Variants in SHANK2 observed in about 807,000 individuals in gnomAD.
SHANK2 encodes the protein SH3 and multiple ankyrin repeat domains protein 2.
SHANK2 carries 43 observed loss-of-function variants against 133.7 expected under a neutral mutation model. The ratio of observed to expected loss-of-function variants is 0.32; its 90% CI spans 0.25 to 0.41. The LOEUF is 0.41. SHANK2 is among the 10% of genes least tolerant of loss of function. The pLI is 1.00. For synonymous variants in SHANK2, 1,017 were observed against 952.8 expected, an observed-to-expected ratio of 1.07 and a Z score of -1.24; for missense variants, 1,994 against 2,235.8, an observed-to-expected ratio of 0.89 and a Z score of 2.18.
chr11:70,821,511 C>T lies in SHANK2; in HGVS notation c.1175-829G>A, dbSNP rs149565803. 5.5e-3 allele frequency among the ~76,000 whole-genome samples: 838 copies of T among 152,236 alleles called. 12 individuals carry two copies. The highest frequency in any genetic ancestry group is 0.019 in the African/African-American group (786 of 41,534). On this transcript the variant is annotated intron_variant, in intron 11 of 25. Transcript: ENST00000601538. Reference sequence around the variant, plus strand: ...CACGACCTCGGCTCACTGCAGCCTCCGCCTCCCAGGCTCAAACAATTCTCC... The same window carrying T: ...CACGACCTCGGCTCACTGCAGCCTCTGCCTCCCAGGCTCAAACAATTCTCC...
chr11:70,832,830 G>T (rs1555058957), intron 11 of SHANK2, among the ~76,000 whole-genome samples: 1 of 152,140 alleles, frequency 6.6e-6, no homozygotes, highest in Non-Finnish European at 1.5e-5. Context: ...GGCCTGTACT[G>T]CCCCGCCTTG....
At chr11:70,665,505 C>T (rs1356389157) in intron 15 of SHANK2, among the ~76,000 whole-genome samples, 20 of 152,162 alleles carry the variant, frequency 1.3e-4, no homozygotes, top group Admixed American at 1.3e-3. Context: ...ACTGTAATGG[C>T]CCTGTCCTGT....
chr11:71,121,250 G>T (rs1280508127), intron 3 of SHANK2, among the ~76,000 whole-genome samples: 1 of 152,208 alleles, frequency 6.6e-6, no homozygotes, highest in African/African-American at 2.4e-5. Flanking sequence ...GCTGCTGTCA[G>T]GATCAAACAG....
chr11:70,666,104 T>C (rs1944673922), intron 15 of SHANK2, among the ~76,000 whole-genome samples: 1 of 152,102 alleles, frequency 6.6e-6, no homozygotes. Flanking sequence ...GAAGGATGAC[T>C]ACAGGGTTTC....
At chr11:70,502,735 GC>G in intron 18 of SHANK2, 60 bp downstream of exon 18, 2 of 418,842 alleles carry the variant, frequency 4.8e-6, no homozygotes, top group Non-Finnish European at 3.8e-6. Flanking sequence ...TGTCCTGCCC[GC>G]CCCCACCCCC....
chr11:71,239,466 A>T (rs547918516), intron 1 of SHANK2, among the ~76,000 whole-genome samples: 112 of 149,472 alleles, frequency 7.5e-4, no homozygotes, highest in African/African-American at 2.2e-3. Context: ...TGGTAAAAAA[A>T]TTTTTTTTTT....
intron 15 of SHANK2, among the ~76,000 whole-genome samples, chr11:70,675,447 G>A (rs138323218): frequency 1.3e-5 from 2 of 152,322 alleles, no homozygotes; most frequent in African/African-American, 4.8e-5. Flanking sequence ...ACACAGGGCT[G>A]GAGGCAAAGC....
At chr11:70,769,821 G>A (rs1039154766) in intron 14 of SHANK2, among the ~76,000 whole-genome samples, 1 of 22,644 alleles carries the variant, frequency 4.4e-5, no homozygotes, top group Admixed American at 3.4e-4. Context: ...ACATTTGCAC[G>A]TGTGTAGGTG....
intron 2 of SHANK2, among the ~76,000 whole-genome samples, chr11:71,148,234 G>A (rs374432407): frequency 3.3e-5 from 5 of 152,178 alleles, no homozygotes; most frequent in Admixed American, 2.0e-4. Flanking sequence ...GCAGGCATGC[G>A]CCACTACACC....
At position 70,940,274 on chromosome 11, in the gene SHANK2, G is replaced by T. The variant is rs1301476550; in HGVS notation, c.1108-43707C>A. On this transcript the variant is annotated intron_variant, in intron 10 of 25. Coordinates refer to ENST00000601538, the MANE Select transcript of SHANK2 (RefSeq NM_012309.5). The stretch of plus-strand genomic sequence containing the variant: ...CTCTCTTTCTCTCTTTTGAGACAGA[G>T]TCTCGCTGTGTCACCAGGCTGGAGT... Among the ~76,000 whole-genome samples, 4 of 33,896 alleles carry T rather than the reference G, an allele frequency of 1.2e-4. No homozygotes were observed. In the East Asian group the frequency reaches 3.5e-3, roughly 30 times the overall value. The allele number at this position is 33,896 out of a possible 152,430, so 22.2% of individuals were successfully genotyped here.
intron 8 of SHANK2, among the ~76,000 whole-genome samples, chr11:71,082,430 A>T (rs1277499752): frequency 6.6e-6 from 1 of 152,242 alleles, no homozygotes; most frequent in Non-Finnish European, 1.5e-5. Flanking sequence ...ACCACAGTAC[A>T]CTAGAAAAAC....
intron 11 of SHANK2, among the ~76,000 whole-genome samples, chr11:70,823,045 C>T (rs1472642002): frequency 4.9e-5 from 4 of 81,528 alleles, no homozygotes; most frequent in East Asian, 4.3e-4. Context: ...GTTGGCAGAG[C>T]CCACGGGGGA....
intron 14 of SHANK2, among the ~76,000 whole-genome samples, chr11:70,766,057 G>A (rs1310612093): frequency 6.6e-6 from 1 of 152,214 alleles, no homozygotes; most frequent in Non-Finnish European, 1.5e-5. Context: ...AGCCTCCTTT[G>A]AGATGATGTT....
chr11:70,671,329 G>A (rs1430342527), intron 15 of SHANK2, among the ~76,000 whole-genome samples: 2 of 152,032 alleles, frequency 1.3e-5, no homozygotes, highest in East Asian at 1.9e-4. Flanking sequence ...TGAGCACCCC[G>A]GTGGAACCCC....
chr11:70,703,595 G>A (rs1945591270), intron 14 of SHANK2, among the ~76,000 whole-genome samples: 1 of 152,134 alleles, frequency 6.6e-6, no homozygotes, highest in African/African-American at 2.4e-5. Context: ...AGGCTCCCTG[G>A]ATCTCACTGG....
chr11:70,672,443 C>T (rs1377550118), intron 15 of SHANK2, among the ~76,000 whole-genome samples: 2 of 152,242 alleles, frequency 1.3e-5, no homozygotes, highest in African/African-American at 4.8e-5. Flanking sequence ...GCCCCTTCTC[C>T]TCCTGACTCC....
At chr11:70,551,422 A>G (rs1365047185) in intron 17 of SHANK2, among the ~76,000 whole-genome samples, 1 of 151,420 alleles carries the variant, frequency 6.6e-6, no homozygotes, top group South Asian at 2.1e-4. Flanking sequence ...CAGAATTCTC[A>G]AAACATTCCT....
intron 3 of SHANK2, among the ~76,000 whole-genome samples, chr11:71,134,457 T>C (rs1318689738): frequency 1.5e-5 from 2 of 134,004 alleles, no homozygotes; most frequent in Admixed American, 7.1e-5. Context: ...TTTTTTTTTT[T>C]GAGACGGAGT....
At chr11:70,939,744 G>C (rs1950619314) in intron 10 of SHANK2, among the ~76,000 whole-genome samples, 1 of 152,062 alleles carries the variant, frequency 6.6e-6, no homozygotes, top group African/African-American at 2.4e-5. Context: ...CCGCTGCGTG[G>C]CTCCTCTCTT....
Sources: gnomAD v4.1 joint callset for allele counts (sites outside exome capture counted in the v4.1 genomes callset) on GRCh38, gnomAD v4.1.1 for gene constraint, MANE v1.5 for transcripts, NCBI Gene and HGNC (gene_info 2026-07-23, HGNC 2026-07-21) for gene names.